The following PBX4 variants were observed in gnomAD, a reference collection of about 807,000 sequenced individuals.
The protein encoded by PBX4 is PBX homeobox 4.
Under a neutral mutation model 35.1 loss-of-function variants are expected in PBX4, and 26 were observed. The ratio of observed to expected loss-of-function variants is 0.74; its 90% CI spans 0.54 to 1.03. PBX4 has a LOEUF of 1.03. Among genes scored for constraint, PBX4 ranks in the 50% least tolerant of loss-of-function variants. The probability of loss-of-function intolerance (pLI) is 0.00; values close to 1 mark genes in which losing one functional copy is unlikely to be tolerated. For missense variants in PBX4, 448 were observed against 504.3 expected, an observed-to-expected ratio of 0.89 and a Z score of 1.07; for synonymous variants, 199 against 204.2, an observed-to-expected ratio of 0.97 and a Z score of 0.22.
intron 5 of PBX4, among the ~76,000 whole-genome samples, chr19:19,567,058 G>A (rs543934458): frequency 6.6e-6 from 1 of 152,308 alleles, no homozygotes; most frequent in South Asian, 2.1e-4. Flanking sequence ...ATAAAAAGAA[G>A]GATCCCTGTC....
intron 1 of PBX4, among the ~76,000 whole-genome samples, chr19:19,611,080 A>G (rs1282421567): frequency 1.3e-5 from 2 of 152,184 alleles, no homozygotes; most frequent in African/African-American, 4.8e-5. Context: ...GCTCACTGAC[A>G]TGCTTTATAA....
At chr19:19,592,491 G>A (rs979464377) in intron 2 of PBX4, among the ~76,000 whole-genome samples, 10 of 152,152 alleles carry the variant, frequency 6.6e-5, no homozygotes, top group African/African-American at 2.4e-4. Flanking sequence ...AGCTTTGAGG[G>A]ACCTGCCTGC....
In PBX4 at chr19:19,562,094, G is replaced by A; in HGVS notation, c.1056C>T (p.Ala352=). The change falls in exon 8 of 8, where the codon GCC becomes GCT. Residue 352 remains alanine, a synonymous_variant. Transcript: ENST00000251203. The surrounding 1 kb of genome is among the most constrained non-coding windows in gnomAD (Gnocchi z 4.8). ...GTGAGGCAGTTGCAGGTTGGGGGGT[G>A]GCCCCCTGCCAGCTACCCTGGGCCT... is the stretch of plus-strand genomic sequence containing the variant. The part of the protein sequence containing the change: ...QSQAQGSWQG[A]TPQPATASPA... 6.2e-7 allele frequency: 1 copy of A among 1,612,000 alleles called. No individual in the cohort carries two copies. The highest frequency in any genetic ancestry group is 8.5e-7 in the Non-Finnish European group (1 of 1,179,226).
rs377399116 is a variant in PBX4, at chr19:19,565,245, C to T, written c.769-156G>A. Among the ~76,000 whole-genome samples, 4 of 152,130 alleles carry T rather than the reference C, an allele frequency of 2.6e-5. No homozygotes were observed. In the East Asian group the frequency reaches 7.7e-4, roughly 29 times the overall value. On this transcript the variant is annotated intron_variant, in intron 5 of 7. Transcript: ENST00000251203. ...AGAGTCTGGGACTGAGAAGGTGGCG[C>T]CCTCTGAACCACGGACCCAGGGAGA...
At chr19:19,577,458 A>G (rs917586416) in intron 2 of PBX4, among the ~76,000 whole-genome samples, 3 of 152,194 alleles carry the variant, frequency 2.0e-5, no homozygotes, top group Admixed American at 6.5e-5. Context: ...GCAGATGTGC[A>G]TGAGTTTGGG....
chr19:19,569,404 C>T (rs766794322), intron 5 of PBX4, 45 bp downstream of exon 5: 1 of 1,576,404 alleles, frequency 6.3e-7, no homozygotes, highest in Non-Finnish European at 8.6e-7. Flanking sequence ...ACCTAGTCAT[C>T]CACTCCTCCC....
Position 19,565,083 on chromosome 19 carries a change from T to C in PBX4, c.775A>G (p.Asn259Asp). Residue 259 changes from asparagine to aspartate, a missense_variant, in exon 6 of 8, where the codon AAC (asparagine) becomes GAC (aspartate). Physicochemically the swap from Asn to Asp is conservative, Grantham distance 23. Transcript: ENST00000251203. ...CGGATTCTTTTGTTGCCAAACCAGT[T>C]AGAGACCTGCGGACACACAGGAGTC... Reference protein sequence around the residue: ...KGGLTISQVSNWFGNKRIRYK... With the variant: ...KGGLTISQVSDWFGNKRIRYK... The C allele has an allele frequency of 1.2e-6, 2 of 1,614,188 alleles. No individual in the cohort carries two copies. The highest frequency in any genetic ancestry group is 1.7e-6 in the Non-Finnish European group (2 of 1,180,038).
At chr19:19,603,512 T>C (rs1839182317) in intron 1 of PBX4, among the ~76,000 whole-genome samples, 1 of 152,124 alleles carries the variant, frequency 6.6e-6, no homozygotes, top group Non-Finnish European at 1.5e-5. Flanking sequence ...TTTTGGCATG[T>C]TGGTCAGCCT....
rs767156757 is a variant in PBX4, at chr19:19,570,219, A to C, written c.522T>G (p.Ile174Met). The change falls in exon 4 of 8, where the codon ATT (isoleucine) becomes ATG (methionine). Residue 174 changes from isoleucine (I) to methionine (M), a missense_variant. By Grantham distance (10) the Ile-to-Met change is conservative. Transcript: ENST00000251203. ...SRMRPVSPKE[I>M]ERMVGAIHGK... ...CGTGAATGGCGCCGACCATGCGCTC[A>C]ATCTCCTTAGGGGAGACAGGCCTCA... 6.2e-7 allele frequency: 1 copy of C among 1,614,120 alleles called. No individual in the cohort carries two copies. The highest frequency in any genetic ancestry group is 2.2e-5 in the East Asian group (1 of 44,876).
chr19:19,572,654 C>T (rs938104173), intron 2 of PBX4, among the ~76,000 whole-genome samples: 5 of 150,696 alleles, frequency 3.3e-5, no homozygotes, highest in South Asian at 2.1e-4. Flanking sequence ...CACCTGAGGT[C>T]GGGAGTTCGA....
intron 1 of PBX4, among the ~76,000 whole-genome samples, chr19:19,603,669 G>A (rs1033378230): frequency 1.3e-5 from 2 of 152,134 alleles, no homozygotes; most frequent in Non-Finnish European, 2.9e-5. Flanking sequence ...CAAGGATAGA[G>A]TAAATGGCCA....
Position 19,565,017 on chromosome 19 carries a change from T to C in PBX4, c.841A>G (p.Ile281Val), listed in dbSNP as rs1180336620. ...TCCACAGCCGTTTTACCCGTGTAAATGGTAGCCTCTTCTTGAAACTTCCCC... is the reference window on the plus strand; with the variant it reads ...TCCACAGCCGTTTTACCCGTGTAAACGGTAGCCTCTTCTTGAAACTTCCCC... ...NMGKFQEEAT[I>V]YTGKTAVDTT... Residue 281 changes from isoleucine to valine, a missense_variant, in exon 6 of 8, where the codon ATT (isoleucine) becomes GTT (valine). Ile to Val is a conservative substitution (Grantham distance 29). Transcript: ENST00000251203. 8.1e-6 allele frequency: 13 copies of C among 1,614,036 alleles called. No individual in the cohort carries two copies. Among genetic ancestry groups the C allele is most frequent in the African/African-American group, 1.3e-5 (1 of 74,920 alleles).
At chr19:19,606,387 A>C (rs1477773775) in intron 1 of PBX4, 20 of 152,304 alleles carry the variant, frequency 1.3e-4, no homozygotes, top group Admixed American at 1.3e-3. Flanking sequence ...CAGGAAGTGA[A>C]TTCTTCCATC....
At chr19:19,606,360 C>G (rs1156712257) in intron 1 of PBX4, 2 of 152,330 alleles carry the variant, frequency 1.3e-5, no homozygotes, top group Non-Finnish European at 2.9e-5. Flanking sequence ...AAAGCAGGGA[C>G]CTTTGTGCTT....
intron 5 of PBX4, among the ~76,000 whole-genome samples, chr19:19,566,685 T>G: frequency 6.9e-6 from 1 of 144,344 alleles, no homozygotes; most frequent in Admixed American, 7.1e-5. Context: ...CTACCAAGCC[T>G]GGCTAATTTT....
chr19:19,582,058 G>C lies in PBX4; in HGVS notation c.194-11225C>G, dbSNP rs543316827. Among the ~76,000 whole-genome samples, 111 of 152,260 alleles carry C rather than the reference G, an allele frequency of 7.3e-4. 2 individuals are homozygous for C. The South Asian group carries it at 0.022, about 30-fold the overall frequency. ...CACAGTGAAGGCAGAAGGCCAGCAGGACTCTTCCATGAGAACCCAAGGCCC... is the reference window on the plus strand; with the variant it reads ...CACAGTGAAGGCAGAAGGCCAGCAGCACTCTTCCATGAGAACCCAAGGCCC... On this transcript the variant is annotated intron_variant, in intron 2 of 7. Transcript: ENST00000251203.
At position 19,601,905 on chromosome 19, in the gene PBX4, G is replaced by A. The variant is rs145711588; in HGVS notation, c.120-2540C>T. On this transcript the variant is annotated intron_variant, in intron 1 of 7. Transcript: ENST00000251203. ...TGTAATTCTAGCATTTTGGGAGGCCGAGGCAGGCAGATCGCTGGAGCTCAG... is the reference window on the plus strand; with the variant it reads ...TGTAATTCTAGCATTTTGGGAGGCCAAGGCAGGCAGATCGCTGGAGCTCAG... Among the ~76,000 whole-genome samples the A allele has an allele frequency of 2.9e-3, 444 of 152,022 alleles. 4 individuals are homozygous for A. The South Asian group carries it at 0.035, about 12-fold the overall frequency.
chr19:19,600,681 G>A (rs1300818151), intron 1 of PBX4, among the ~76,000 whole-genome samples: 2 of 151,926 alleles, frequency 1.3e-5, no homozygotes, highest in Non-Finnish European at 2.9e-5. Context: ...GCTGGGCGTG[G>A]TGGTGCACAC....
intron 2 of PBX4, among the ~76,000 whole-genome samples, chr19:19,594,106 A>AAAAAAAAAAAAAAAAT: frequency 6.9e-6 from 1 of 145,224 alleles, no homozygotes; most frequent in Non-Finnish European, 1.5e-5. Context: ...AAAATAAAAA[A>AAAAAAAAAAAAAAAAT]TAAAAAATTA....
Sources: allele counts gnomAD v4.1 joint callset (sites outside exome capture counted in the v4.1 genomes callset), GRCh38; gene constraint gnomAD v4.1.1; non-coding constraint Gnocchi (gnomAD v3.1); transcripts MANE v1.5; gene names NCBI Gene and HGNC (gene_info 2026-07-23, HGNC 2026-07-21).